Variants in SMIM45 observed in about 807,000 individuals in gnomAD.
The protein encoded by SMIM45 is long intergenic non-protein coding RNA 634.
the SMIM45 span, among the ~76,000 whole-genome samples, chr22:41,951,556 G>C: frequency 6.6e-6 from 1 of 152,024 alleles, no homozygotes; most frequent in Non-Finnish European, 1.5e-5. Context: ...GGGGTGCTGT[G>C]GGGTAGATGA....
At chr22:41,948,604 C>T in the SMIM45 span, among the ~76,000 whole-genome samples, 1 of 152,018 alleles carries the variant, frequency 6.6e-6, no homozygotes, top group South Asian at 2.1e-4. Context: ...GAAAGTCAAG[C>T]AGTAGTAGGC....
chr22:41,951,549 G>T, the SMIM45 span, among the ~76,000 whole-genome samples: 3 of 152,192 alleles, frequency 2.0e-5, no homozygotes, highest in Admixed American at 6.5e-5. Flanking sequence ...CCAGCCAGGG[G>T]TGCTGTGGGG....
chr22:41,949,457 TC>T, the SMIM45 span, among the ~76,000 whole-genome samples: 3 of 152,146 alleles, frequency 2.0e-5, no homozygotes, highest in South Asian at 6.2e-4. Context: ...TCCTGGCACT[TC>T]CGAGGCGTAG....
the SMIM45 span, among the ~76,000 whole-genome samples, chr22:41,953,740 G>GTTTTTTTTT: frequency 3.4e-5 from 3 of 89,324 alleles, no homozygotes; most frequent in Non-Finnish European, 5.0e-5. Context: ...TCTGTGATCT[G>GTTTTTTTTT]TTTTTTTTTT....
the SMIM45 span, chr22:41,958,505 A>AGAGAGG: frequency 2.5e-6 from 1 of 400,534 alleles, no homozygotes; most frequent in Non-Finnish European, 5.1e-6. Flanking sequence ...AGAGAGAGAG[A>AGAGAGG]GAGTCTGGGG....
chr22:41,954,426 T>TG, the SMIM45 span, among the ~76,000 whole-genome samples: 3 of 152,052 alleles, frequency 2.0e-5, no homozygotes, highest in Non-Finnish European at 4.4e-5. Context: ...AGGCTGGTCT[T>TG]GAACTCCTGG....
At chr22:41,949,118 G>A in the SMIM45 span, among the ~76,000 whole-genome samples, 1 of 152,052 alleles carries the variant, frequency 6.6e-6, no homozygotes, top group Non-Finnish European at 1.5e-5. Context: ...GGTGGCGGGC[G>A]CCTGTAATAC....
chr22:41,953,450 G>A, the SMIM45 span, among the ~76,000 whole-genome samples: 4 of 152,180 alleles, frequency 2.6e-5, no homozygotes, highest in African/African-American at 7.2e-5. Flanking sequence ...TCAGGGCATC[G>A]CTGGGGTTTG....
the SMIM45 span, among the ~76,000 whole-genome samples, chr22:41,955,845 G>T: frequency 2.6e-5 from 4 of 151,390 alleles, no homozygotes; most frequent in African/African-American, 9.7e-5. Context: ...CCCTTAGGAC[G>T]TGGGTGCTAT....
the SMIM45 span, among the ~76,000 whole-genome samples, chr22:41,955,622 C>T: frequency 2.6e-5 from 4 of 151,612 alleles, no homozygotes; most frequent in South Asian, 2.1e-4. Flanking sequence ...CTGGCTAACA[C>T]GGTGAAACCC....
At chr22:41,955,183 A>T in the SMIM45 span, among the ~76,000 whole-genome samples, 69 of 131,652 alleles carry the variant, frequency 5.2e-4, no homozygotes, top group Non-Finnish European at 9.1e-4. Context: ...TTTTTATTTT[A>T]ATTTTTTTTT....
chr22:41,955,864 C>T, the SMIM45 span, among the ~76,000 whole-genome samples: 3 of 151,942 alleles, frequency 2.0e-5, no homozygotes, highest in Admixed American at 6.6e-5. Context: ...ATTTCTATCC[C>T]CATTTTACAG....
the SMIM45 span, among the ~76,000 whole-genome samples, chr22:41,949,382 G>A: frequency 6.6e-6 from 1 of 152,216 alleles, no homozygotes; most frequent in Admixed American, 6.5e-5. Flanking sequence ...GGCCCCTTAA[G>A]TATGATGAAG....
At chr22:41,948,980 G>A in the SMIM45 span, among the ~76,000 whole-genome samples, 1 of 152,082 alleles carries the variant, frequency 6.6e-6, no homozygotes. Context: ...TAGGAGAATC[G>A]CTTGAACTTG....
the SMIM45 span, among the ~76,000 whole-genome samples, chr22:41,948,266 A>G: frequency 6.6e-6 from 1 of 152,152 alleles, no homozygotes; most frequent in Non-Finnish European, 1.5e-5. Context: ...GAATGGATGG[A>G]TTACATTCAT....
chr22:41,954,685 A>T, the SMIM45 span, among the ~76,000 whole-genome samples: 1 of 152,094 alleles, frequency 6.6e-6, no homozygotes, highest in African/African-American at 2.4e-5. Flanking sequence ...GTTGGCAGGG[A>T]GCAGATGGGC....
chr22:41,953,670 G>T, the SMIM45 span, among the ~76,000 whole-genome samples: 2 of 151,748 alleles, frequency 1.3e-5, no homozygotes, highest in Non-Finnish European at 2.9e-5. Context: ...AACTAGGGAA[G>T]GTTGGGGGTG....
At chr22:41,958,313 T>A in the SMIM45 span, 1 of 456,676 alleles carries the variant, frequency 2.2e-6, no homozygotes. Context: ...GCCCTGCAAC[T>A]TTAGGCAGGT....
the SMIM45 span, among the ~76,000 whole-genome samples, chr22:41,950,761 C>T: frequency 8.9e-4 from 136 of 152,034 alleles, 1 homozygote; most frequent in Middle Eastern, 3.4e-3. Context: ...TTTGGGAGGC[C>T]GAGGTGGGCA....
Sources: gnomAD v4.1 joint callset for allele counts (sites outside exome capture counted in the v4.1 genomes callset) on GRCh38, gnomAD v4.1.1 for gene constraint, MANE v1.5 for transcripts, NCBI Gene and HGNC (gene_info 2026-07-23, HGNC 2026-07-21) for gene names.